Variants in ARHGAP15 observed in about 807,000 individuals in gnomAD.
ARHGAP15 encodes Rho GTPase activating protein 15.
In ARHGAP15, 51 loss-of-function variants were observed where a neutral mutation model predicts 63.7. The observed-to-expected ratio is 0.80, with a 90% CI of 0.64 to 1.01. ARHGAP15 has a LOEUF of 1.01. Ranked by LOEUF, ARHGAP15 falls within the 50% of genes least tolerant of loss-of-function variation. The pLI is 0.00. For synonymous variants in ARHGAP15, 191 were observed against 193.8 expected (o/e 0.99, Z 0.12); for missense variants, 560 against 564.6 (o/e 0.99, Z 0.08).
chr2:143,601,889 C>T (rs538254497), intron 11 of ARHGAP15, among the ~76,000 whole-genome samples: 1 of 152,270 alleles, frequency 6.6e-6, no homozygotes, highest in East Asian at 1.9e-4. Context: ...GGATACTTAG[C>T]TTACCTTTTT....
chr2:143,299,313 A>G (rs559047054), intron 6 of ARHGAP15, among the ~76,000 whole-genome samples: 1 of 151,980 alleles, frequency 6.6e-6, no homozygotes, highest in African/African-American at 2.4e-5. Flanking sequence ...TTTGGGTTCT[A>G]TTTTCCCAGT....
intron 6 of ARHGAP15, among the ~76,000 whole-genome samples, chr2:143,278,545 G>C (rs1574201011): frequency 6.6e-6 from 1 of 152,180 alleles, no homozygotes; most frequent in East Asian, 1.9e-4. Flanking sequence ...CTGACCTTGG[G>C]CATTATCTAT....
intron 6 of ARHGAP15, among the ~76,000 whole-genome samples, chr2:143,255,315 A>G (rs1680365364): frequency 6.6e-6 from 1 of 152,008 alleles, no homozygotes; most frequent in Non-Finnish European, 1.5e-5. Flanking sequence ...TCATGGTCAC[A>G]TTTCCTGGAT....
chr2:143,645,115 T>C (rs1680806613), intron 12 of ARHGAP15, among the ~76,000 whole-genome samples: 1 of 152,064 alleles, frequency 6.6e-6, no homozygotes, highest in South Asian at 2.1e-4. Context: ...TAAGAAATAA[T>C]CAAAAATGGT....
rs868079794 is a variant in ARHGAP15, at chr2:143,530,498, A to G, written c.925+11134A>G. Among the ~76,000 whole-genome samples the G allele has an allele frequency of 3.3e-5, 5 of 152,292 alleles. No homozygotes were observed. In the South Asian group the frequency reaches 1.0e-3, roughly 32 times the overall value. ...GCCAAATTTGATGCTTTTGAGACCG[A>G]CCAGTGTCATAAGAATAGCACTATC... On this transcript the variant is annotated intron_variant, in intron 10 of 13. Transcript: ENST00000295095.
chr2:143,443,558 G>T (rs533572413), intron 8 of ARHGAP15, among the ~76,000 whole-genome samples: 1 of 151,950 alleles, frequency 6.6e-6, no homozygotes, highest in African/African-American at 2.4e-5. Context: ...ATACTTATAA[G>T]ACAGACAATA....
chr2:143,321,054 A>C (rs1403524356), intron 6 of ARHGAP15, among the ~76,000 whole-genome samples: 1 of 152,036 alleles, frequency 6.6e-6, no homozygotes, highest in Non-Finnish European at 1.5e-5. Flanking sequence ...AGTCATGGGT[A>C]CCCCTGGATG....
chr2:143,285,583 A>G (rs888123632), intron 6 of ARHGAP15, among the ~76,000 whole-genome samples: 18 of 152,208 alleles, frequency 1.2e-4, no homozygotes. Context: ...CTGAGTTGCC[A>G]TTGATCTGCA....
At chr2:143,627,825 G>GT (rs935476410) in intron 12 of ARHGAP15, among the ~76,000 whole-genome samples, 9 of 151,468 alleles carry the variant, frequency 5.9e-5, no homozygotes, top group African/African-American at 1.9e-4. Context: ...TTTTTGTGGG[G>GT]TTTTTTTTCG....
Position 143,528,878 on chromosome 2 carries a change from T to G in ARHGAP15, c.925+9514T>G, listed in dbSNP as rs551008870. On this transcript the variant is annotated intron_variant, in intron 10 of 13. Transcript: ENST00000295095. The stretch of plus-strand genomic sequence containing the variant: ...ACATAGTCTAATATTGGAGTCCATG[T>G]GTTTGGCCTAGAGTTTGACAGCATA... Among the ~76,000 whole-genome samples, 11 of 152,232 alleles carry G rather than the reference T, an allele frequency of 7.2e-5. 1 individual carries two copies. The South Asian group carries it at 2.3e-3, about 32-fold the overall frequency.
chr2:143,402,011 G>C (rs1177643209), intron 6 of ARHGAP15, among the ~76,000 whole-genome samples: 1 of 151,828 alleles, frequency 6.6e-6, no homozygotes, highest in African/African-American at 2.4e-5. Context: ...AAATCCATAT[G>C]CCATACAGAC....
At chr2:143,188,829 T>C (rs1294035885) in intron 2 of ARHGAP15, among the ~76,000 whole-genome samples, 1 of 151,938 alleles carries the variant, frequency 6.6e-6, no homozygotes, top group African/African-American at 2.4e-5. Flanking sequence ...TTTCATCATA[T>C]TGGCCAGACT....
intron 3 of ARHGAP15, among the ~76,000 whole-genome samples, chr2:143,207,095 C>A (rs1692360234): frequency 6.6e-6 from 1 of 151,324 alleles, no homozygotes; most frequent in Non-Finnish European, 1.5e-5. Flanking sequence ...TTTTCTATGC[C>A]ACTATATCAA....
intron 6 of ARHGAP15, among the ~76,000 whole-genome samples, chr2:143,428,520 A>G (rs1689229553): frequency 6.6e-6 from 1 of 151,990 alleles, no homozygotes. Context: ...TGGATGAGAC[A>G]GTGAGGAAAG....
At chr2:143,266,216 T>G (rs185408750) in intron 6 of ARHGAP15, among the ~76,000 whole-genome samples, 36 of 150,668 alleles carry the variant, frequency 2.4e-4, no homozygotes, top group African/African-American at 8.4e-4. Flanking sequence ...CACAGTTACT[T>G]TAAATAAATT....
chr2:143,374,498 T>C (rs1013255804), intron 6 of ARHGAP15, among the ~76,000 whole-genome samples: 1 of 152,020 alleles, frequency 6.6e-6, no homozygotes, highest in Non-Finnish European at 1.5e-5. Context: ...GGTTGTTTTT[T>C]GGGGGGGTTT....
At chr2:143,580,250 G>A (rs529427697) in intron 11 of ARHGAP15, among the ~76,000 whole-genome samples, 1 of 151,972 alleles carries the variant, frequency 6.6e-6, no homozygotes, top group African/African-American at 2.4e-5. Context: ...TCAGAGATTT[G>A]TGCCATTGCA....
At chr2:143,660,725 A>G (rs183238077) in intron 12 of ARHGAP15, among the ~76,000 whole-genome samples, 20 of 152,320 alleles carry the variant, frequency 1.3e-4, no homozygotes, top group Non-Finnish European at 2.6e-4. Context: ...GGCTTACCAT[A>G]CGTTTCCTTG....
intron 10 of ARHGAP15, among the ~76,000 whole-genome samples, chr2:143,532,486 A>G (rs945138409): frequency 6.6e-6 from 1 of 152,132 alleles, no homozygotes; most frequent in Non-Finnish European, 1.5e-5. Flanking sequence ...AAGTTTTTTT[A>G]TGGATGAGAG....
Sources: gnomAD v4.1 joint callset for allele counts (sites outside exome capture counted in the v4.1 genomes callset) on GRCh38, gnomAD v4.1.1 for gene constraint, MANE v1.5 for transcripts, NCBI Gene and HGNC (gene_info 2026-07-23, HGNC 2026-07-21) for gene names.